The following IL13RA2 variants were observed in gnomAD, a reference collection of about 807,000 sequenced individuals.
IL13RA2 encodes interleukin-13 receptor subunit alpha-2.
Under a neutral mutation model 34.1 loss-of-function variants are expected in IL13RA2, and 25 were observed. The observed-to-expected ratio is 0.73, with a 90% confidence interval of 0.53 to 1.03. The LOEUF (loss-of-function observed/expected upper bound fraction) is 1.03, where lower values mean the gene tolerates loss of function less well. Among genes scored for constraint, IL13RA2 ranks in the 50% least tolerant of loss-of-function variants. The probability of loss-of-function intolerance (pLI) is 0.00; values close to 1 mark genes in which losing one functional copy is unlikely to be tolerated. For missense variants in IL13RA2, 297 were observed against 280.9 expected (o/e 1.06, Z -0.41); for synonymous variants, 106 against 100.4 (o/e 1.06, Z -0.33).
intron 1 of IL13RA2, 41 bp from the exon 2 acceptor site, chrX:115,017,343 C>G (rs2071732514): frequency 3.5e-6 from 2 of 569,395 alleles, no homozygotes; most frequent in Non-Finnish European, 3.1e-6. Flanking sequence ...TATCTTACAT[C>G]AAATAATCAA....
intron 5 of IL13RA2, 105 bp downstream of exon 5, chrX:115,013,664 A>T (rs2071715098): frequency 2.1e-6 from 1 of 482,466 alleles, no homozygotes; most frequent in African/African-American, 2.4e-5. Flanking sequence ...TACAACTCTG[A>T]CAAGTATAAT....
chrX:115,007,956 A>G lies in IL13RA2; in HGVS notation c.973T>C (p.Trp325Arg), dbSNP rs1556508000. ...CCTTCCCAGCATTGTTTATCACTCCACTCACTCCAAATTCCGTCATCTGAG... is the reference window on the plus strand; with the variant it reads ...CCTTCCCAGCATTGTTTATCACTCCGCTCACTCCAAATTCCGTCATCTGAG... ...YCSDDGIWSE[W>R]SDKQCWEGED... Residue 325 changes from tryptophan to arginine, a missense_variant, in exon 8 of 10, where the codon TGG becomes CGG. By Grantham distance (101) the Trp-to-Arg change is moderately radical. Transcript: ENST00000243213. 1 of 1,126,606 alleles carries G rather than the reference A, an allele frequency of 8.9e-7. No individual in the cohort carries two copies. The highest frequency in any genetic ancestry group is 1.2e-6 in the Non-Finnish European group (1 of 820,112). 92.8% of individuals were successfully genotyped at this position (1,126,606 alleles called of 1,213,427 possible).
Position 115,010,481 on chromosome X carries a change from A to G in IL13RA2, c.706+163T>C, listed in dbSNP as rs17095036. On this transcript the variant is annotated intron_variant, in intron 6 of 9. Coordinates refer to ENST00000243213, the MANE Select transcript of IL13RA2 (RefSeq NM_000640.3). ...AAGCGCCACCTCATACACTCTGCTG[A>G]CTCTCATTTTTCTGTCTTTGCATTT... Among the ~76,000 whole-genome samples, 525 of 110,198 alleles carry G rather than the reference A, an allele frequency of 4.8e-3. 4 individuals carry two copies. Among genetic ancestry groups the G allele is most frequent in the Non-Finnish European group, 6.3e-3 (330 of 52,609 alleles).
chrX:115,012,594 A>G (rs1215768685), intron 5 of IL13RA2, among the ~76,000 whole-genome samples: 1 of 111,178 alleles, frequency 9.0e-6, no homozygotes, highest in African/African-American at 3.3e-5. Context: ...GTGAAACCCC[A>G]TCTCTACTAA....
At position 115,006,238 on chromosome X, in the gene IL13RA2, A is replaced by T. The variant is rs782717712; in HGVS notation, c.998-923T>A. On this transcript the variant is annotated intron_variant, in intron 8 of 9. Coordinates refer to ENST00000243213, the MANE Select transcript of IL13RA2 (RefSeq NM_000640.3). ...AGTTCTACTGGCTTTCCCCATACAG[A>T]GTCAATCCTGAAGAGGACATACTTT... Among the ~76,000 whole-genome samples, 6 of 112,304 alleles carry T rather than the reference A, an allele frequency of 5.3e-5. No homozygotes were observed. The East Asian group carries it at 1.7e-3, about 31-fold the overall frequency.
rs782379686 is a variant in IL13RA2 at position 115,015,696 on chromosome X, G to A, written c.220C>T (p.Arg74Ter). 6 of 1,201,678 alleles carry A rather than the reference G, an allele frequency of 5.0e-6. No homozygotes were observed. The highest frequency in any genetic ancestry group is 4.4e-5 in the Admixed American group (2 of 45,590). ...ECTVEYELKY[R>*]NIGSETWKTI... The stretch of plus-strand genomic sequence containing the variant: ...TTCCATGTTTCACTACCAATGTTTC[G>A]GTATTTTAGTTCATATTCCACTGTG... Residue 74 changes from arginine to a stop codon, truncating the protein, a stop_gained, in exon 3 of 10, where the codon CGA (arginine) becomes TGA (stop). Transcript: ENST00000243213. LOFTEE classifies it high-confidence loss of function.
Position 115,008,008 on chromosome X carries a change from T to G in IL13RA2, c.921A>C (p.Val307=), listed in dbSNP as rs782034837. ...AATAAATATTCACTTTGCTTCTTAC[T>G]ACAAAGCATAATTGTCGGGTTTCAT... ...TTNETRQLCF[V]VRSKVNIYCS... The change falls in exon 8 of 10, where the codon GTA becomes GTC. Residue 307 remains valine (V), a synonymous_variant. Coordinates refer to ENST00000243213, the MANE Select transcript of IL13RA2 (RefSeq NM_000640.3). 6 of 1,119,945 alleles carry G rather than the reference T, an allele frequency of 5.4e-6. No homozygotes were observed. The highest frequency in any genetic ancestry group is 2.2e-5 in the Admixed American group (1 of 45,252). 92.3% of individuals were successfully genotyped at this position (1,119,945 alleles called of 1,213,427 possible).
chrX:115,015,848 AT>A, intron 2 of IL13RA2, 27 bp from the exon 3 acceptor site: 1 of 1,039,210 alleles, frequency 9.6e-7, no homozygotes, highest in Non-Finnish European at 1.3e-6. Context: ...AAACACTTTT[AT>A]TTTTTCTGTA....
chrX:115,012,302 A>T (rs2071708642), intron 5 of IL13RA2, among the ~76,000 whole-genome samples: 1 of 111,921 alleles, frequency 8.9e-6, no homozygotes, highest in African/African-American at 3.3e-5. Flanking sequence ...TGTAATAAAT[A>T]TTTAGTGCTA....
chrX:115,013,959 T>A, intron 4 of IL13RA2, 70 bp from the exon 5 acceptor site: 1 of 686,206 alleles, frequency 1.5e-6, no homozygotes, highest in Non-Finnish European at 2.3e-6. Context: ...CATTTCTCAA[T>A]TTTACTTCAT....
At chrX:115,011,429 AT>A (rs1269155150) in intron 5 of IL13RA2, among the ~76,000 whole-genome samples, 1 of 111,985 alleles carries the variant, frequency 8.9e-6, no homozygotes, top group Non-Finnish European at 1.9e-5. Context: ...TTACCATATC[AT>A]TTTAAGTTAA....
At chrX:115,005,419 AC>A in intron 8 of IL13RA2, 104 bp from the exon 9 acceptor site, 3 of 527,712 alleles carry the variant, frequency 5.7e-6, no homozygotes, top group Non-Finnish European at 1.0e-5. Flanking sequence ...GAGCTTGGAA[AC>A]CCCTGTCATA....
chrX:115,008,707 T>C (rs1294582892), intron 7 of IL13RA2, among the ~76,000 whole-genome samples: 1 of 111,437 alleles, frequency 9.0e-6, no homozygotes, highest in Non-Finnish European at 1.9e-5. Context: ...AGTAAAAAAA[T>C]CACTGAAGCA....
chrX:115,005,822 C>A (rs2147584110), intron 8 of IL13RA2, among the ~76,000 whole-genome samples: 1 of 111,708 alleles, frequency 9.0e-6, no homozygotes, highest in East Asian at 2.8e-4. Context: ...TTTTAAAGAC[C>A]AAAGGGAGGG....
chrX:115,010,728 T>C lies in IL13RA2; in HGVS notation c.622A>G (p.Lys208Glu). 2.0e-6 allele frequency: 2 copies of C among 1,019,438 alleles called. No homozygotes were observed. Among genetic ancestry groups the C allele is most frequent in the Non-Finnish European group, 2.8e-6 (2 of 724,966 alleles). 84.0% of individuals were successfully genotyped at this position (1,019,438 alleles called of 1,213,427 possible). A position where few individuals can be genotyped will look rare whatever the true frequency, so the allele number is the denominator to read the frequency against. ...RFPYLEASDY[K>E]DFYICVNGSS... ...CCATTAACACAAATATAGAAATCTT[T>C]ATAGTCTGATGCCTCCAAATAGGGA... The change falls in exon 6 of 10, where the codon AAA (lysine) becomes GAA (glutamate). Residue 208 changes from lysine to glutamate, a missense_variant. By Grantham distance (56) the Lys-to-Glu change is moderately conservative (BLOSUM62 1). Transcript: ENST00000243213.
chrX:115,009,592 G>T lies in IL13RA2; in HGVS notation c.781C>A (p.Pro261Thr). ...SCEIKLKWSIPLGPIPARCFD... is the reference protein window; with the variant it reads ...SCEIKLKWSITLGPIPARCFD... Reference sequence around the variant, plus strand: ...CACCTTGCTGGAATAGGTCCCAAAGGTATGCTCCATTTCAGCTTAATTTCA... The same window carrying T: ...CACCTTGCTGGAATAGGTCCCAAAGTTATGCTCCATTTCAGCTTAATTTCA... The change falls in exon 7 of 10, where the codon CCT becomes ACT. Residue 261 changes from proline (P) to threonine (T), a missense_variant. Physicochemically the swap from Pro to Thr is conservative, Grantham distance 38 (BLOSUM62 -1). Transcript: ENST00000243213. The T allele has an allele frequency of 5.9e-6, 7 of 1,193,517 alleles. No homozygotes were observed. The highest frequency in any genetic ancestry group is 8.0e-6 in the Non-Finnish European group (7 of 879,136).
intron 4 of IL13RA2, 112 bp downstream of exon 4, chrX:115,014,309 A>T: frequency 1.8e-6 from 1 of 553,749 alleles, no homozygotes; most frequent in Non-Finnish European, 2.9e-6. Context: ...ATTTTGTGCC[A>T]CACTGTCACA....
chrX:115,016,449 T>C (rs1163563206), intron 2 of IL13RA2, among the ~76,000 whole-genome samples: 3 of 109,885 alleles, frequency 2.7e-5, no homozygotes, highest in Non-Finnish European at 5.7e-5. Flanking sequence ...TAGGTATTAA[T>C]TTTTAGAGAA....
At position 115,017,314 on chromosome X, in the gene IL13RA2, A is replaced by AAATATAACATTTT; in HGVS notation, c.-33-25_-33-13dup. The AAATATAACATTTT allele has an allele frequency of 1.6e-6, 1 of 608,145 alleles. No individual in the cohort carries two copies. Among genetic ancestry groups the AAATATAACATTTT allele is most frequent in the Non-Finnish European group, 2.8e-6 (1 of 353,244 alleles). The allele number at this position is 608,145 out of a possible 1,213,427, so 50.1% of individuals were successfully genotyped here. A position where few individuals can be genotyped will look rare whatever the true frequency, so the allele number is the denominator to read the frequency against. ...TTGATATTGCCTCTCTATGAAGGAAAAATATAACATTTTAACTTTATCTTA... is the reference window on the plus strand; with the variant it reads ...TTGATATTGCCTCTCTATGAAGGAAAAATATAACATTTTAATATAACATTTTAACTTTATCTTA... On this transcript the variant is annotated splice_polypyrimidine_tract_variant and intron_variant, in intron 1 of 9. Coordinates refer to ENST00000243213, the MANE Select transcript of IL13RA2 (RefSeq NM_000640.3).
Sources: allele counts gnomAD v4.1 joint callset (sites outside exome capture counted in the v4.1 genomes callset), GRCh38; gene constraint gnomAD v4.1.1; transcripts MANE v1.5; gene names NCBI Gene and HGNC (gene_info 2026-07-23, HGNC 2026-07-21).